The following SGCZ variants were observed in gnomAD, a reference collection of about 807,000 sequenced individuals.
The protein encoded by SGCZ is zeta-sarcoglycan.
SGCZ carries 40 observed loss-of-function variants against 41.3 expected under a neutral mutation model. The ratio of observed to expected loss-of-function variants is 0.97; its 90% CI spans 0.75 to 1.26. The LOEUF (loss-of-function observed/expected upper bound fraction) is 1.26. Ranked by LOEUF, SGCZ falls within the 50% of genes most tolerant of loss-of-function variation. The pLI is 0.00. For synonymous variants in SGCZ, 206 were observed against 137.5 expected, an observed-to-expected ratio of 1.50 and a Z score of -3.49; for missense variants, 552 against 369.8, an observed-to-expected ratio of 1.49 and a Z score of -4.04.
chr8:14,882,887 C>T (rs1325422190), intron 1 of SGCZ, among the ~76,000 whole-genome samples: 1 of 152,130 alleles, frequency 6.6e-6, no homozygotes, highest in African/African-American at 2.4e-5. Flanking sequence ...CCTTCTTCCC[C>T]CTCACCCAGA....
intron 2 of SGCZ, among the ~76,000 whole-genome samples, chr8:14,390,256 G>C (rs1354307122): frequency 2.0e-5 from 3 of 151,540 alleles, no homozygotes; most frequent in Non-Finnish European, 4.4e-5. Context: ...TATAGAAAGG[G>C]CAATAACATG....
intron 1 of SGCZ, among the ~76,000 whole-genome samples, chr8:14,601,630 A>T (rs1217846079): frequency 6.6e-6 from 1 of 152,192 alleles, no homozygotes; most frequent in Admixed American, 6.5e-5. Context: ...CAAAATCTGT[A>T]CACAATCCTC....
At chr8:14,969,875 T>C (rs1254504255) in intron 1 of SGCZ, among the ~76,000 whole-genome samples, 1 of 152,146 alleles carries the variant, frequency 6.6e-6, no homozygotes, top group East Asian at 1.9e-4. Context: ...TTCATTTTTC[T>C]CTTTGGTAAA....
intron 1 of SGCZ, among the ~76,000 whole-genome samples, chr8:14,667,782 A>G (rs1807958727): frequency 6.6e-6 from 1 of 152,164 alleles, no homozygotes; most frequent in Non-Finnish European, 1.5e-5. Flanking sequence ...AATCAAAGGG[A>G]TAGTTGTTGA....
chr8:14,576,281 T>A (rs1485195113), intron 1 of SGCZ, among the ~76,000 whole-genome samples: 1 of 152,126 alleles, frequency 6.6e-6, no homozygotes, highest in African/African-American at 2.4e-5. Flanking sequence ...GAAAAAATGA[T>A]GAGAAGTCAA....
chr8:15,138,217 T>G (rs778234267), intron 1 of SGCZ, among the ~76,000 whole-genome samples: 4 of 152,204 alleles, frequency 2.6e-5, no homozygotes, highest in African/African-American at 4.8e-5. Flanking sequence ...ACAGGTGTGT[T>G]TACCCAATGC....
In SGCZ at chr8:14,276,585, G is replaced by A. The variant is rs148379182; in HGVS notation, c.337-38906C>T. On this transcript the variant is annotated intron_variant, in intron 3 of 7. Transcript: ENST00000382080. ...TCTCTCCATGTTTCCTATATCCACT[G>A]GCTTGTTTCAGGTGCTCACTTCTCA... Among the ~76,000 whole-genome samples the A allele has an allele frequency of 4.4e-3, 667 of 152,094 alleles. 13 individuals carry two copies. Among genetic ancestry groups the A allele is most frequent in the Non-Finnish European group, 2.3e-3 (158 of 67,986 alleles).
chr8:14,148,358 A>G (rs998689606), intron 5 of SGCZ, among the ~76,000 whole-genome samples: 5 of 152,084 alleles, frequency 3.3e-5, no homozygotes, highest in African/African-American at 1.2e-4. Context: ...AAAAGGAGTC[A>G]TTACAACTGA....
intron 1 of SGCZ, among the ~76,000 whole-genome samples, chr8:14,976,004 ATATATATATATACACATATATATTTTTT>A (rs1801464482): frequency 9.2e-6 from 1 of 108,270 alleles, no homozygotes; most frequent in Admixed American, 1.2e-4. Flanking sequence ...ATATATACAT[ATATATATATATACACATATATATTTTTT>A]TTTTTTCTGA....
At chr8:14,869,164 A>T (rs954911200) in intron 1 of SGCZ, among the ~76,000 whole-genome samples, 13 of 152,232 alleles carry the variant, frequency 8.5e-5, no homozygotes, top group African/African-American at 3.1e-4. Flanking sequence ...AATATCCCTG[A>T]TGAACATCAA....
At chr8:14,877,146 G>C (rs1804392808) in intron 1 of SGCZ, among the ~76,000 whole-genome samples, 1 of 151,938 alleles carries the variant, frequency 6.6e-6, no homozygotes, top group Non-Finnish European at 1.5e-5. Flanking sequence ...GCTAACTTTT[G>C]ATATTTTAGT....
intron 4 of SGCZ, among the ~76,000 whole-genome samples, chr8:14,166,214 CT>C: frequency 6.6e-6 from 1 of 152,024 alleles, no homozygotes; most frequent in East Asian, 1.9e-4. Context: ...AGAATTCATG[CT>C]TTTTAAAAAT....
At chr8:15,103,028 A>G (rs1393933690) in intron 1 of SGCZ, among the ~76,000 whole-genome samples, 1 of 152,188 alleles carries the variant, frequency 6.6e-6, no homozygotes, top group African/African-American at 2.4e-5. Context: ...TAAATAGAAC[A>G]CATATATTAA....
At chr8:14,212,248 A>T (rs534736550) in intron 4 of SGCZ, among the ~76,000 whole-genome samples, 2 of 152,150 alleles carry the variant, frequency 1.3e-5, no homozygotes, top group East Asian at 3.9e-4. Context: ...AGCAGAGATT[A>T]TGTGGAAAGT....
intron 1 of SGCZ, among the ~76,000 whole-genome samples, chr8:14,652,475 T>C (rs10503505): frequency 0.11 from 17,203 of 152,002 alleles, 1,302 homozygotes; most frequent in South Asian, 0.17. Context: ...AGTAGGTATA[T>C]ATTTTTTGTA....
At chr8:14,478,970 T>G (rs1275322273) in intron 2 of SGCZ, among the ~76,000 whole-genome samples, 1 of 152,190 alleles carries the variant, frequency 6.6e-6, no homozygotes, top group Non-Finnish European at 1.5e-5. Context: ...ACTGTCTGCT[T>G]CTAATGCCCA....
At chr8:14,552,292 A>T (rs1348883694) in intron 2 of SGCZ, among the ~76,000 whole-genome samples, 1 of 152,070 alleles carries the variant, frequency 6.6e-6, no homozygotes, top group African/African-American at 2.4e-5. Flanking sequence ...CAACTACATA[A>T]GGAATTCTGA....
intron 3 of SGCZ, among the ~76,000 whole-genome samples, chr8:14,293,473 T>C (rs1258670911): frequency 6.6e-6 from 1 of 151,978 alleles, no homozygotes; most frequent in Non-Finnish European, 1.5e-5. Flanking sequence ...CCCATTAACA[T>C]ATAGCATTAC....
At chr8:14,989,699 G>A (rs1361864209) in intron 1 of SGCZ, among the ~76,000 whole-genome samples, 1 of 152,124 alleles carries the variant, frequency 6.6e-6, no homozygotes, top group African/African-American at 2.4e-5. Flanking sequence ...CACTTGTCAA[G>A]GTTAGCTTTT....
Sources: allele counts gnomAD v4.1 joint callset (sites outside exome capture counted in the v4.1 genomes callset), GRCh38; gene constraint gnomAD v4.1.1; transcripts MANE v1.5; gene names NCBI Gene and HGNC (gene_info 2026-07-23, HGNC 2026-07-21).